The following ASCC3 variants were observed in gnomAD, a reference collection of about 807,000 sequenced individuals.
ASCC3 encodes activating signal cointegrator 1 complex subunit 3.
Under a neutral mutation model 256.3 loss-of-function variants are expected in ASCC3, and 158 were observed. That is an observed-to-expected ratio of 0.62 (90% confidence interval 0.54 to 0.70). The LOEUF is 0.70. Ranked by LOEUF, ASCC3 falls within the 30% of genes least tolerant of loss-of-function variation. ASCC3 has a pLI of 0.00. For missense variants in ASCC3, 2,259 were observed against 2,626.0 expected (o/e 0.86, Z 3.05); for synonymous variants, 948 against 883.4 (o/e 1.07, Z -1.30).
At chr6:100,802,474 T>G (rs1582885643) in intron 5 of ASCC3, among the ~76,000 whole-genome samples, 2 of 152,132 alleles carry the variant, frequency 1.3e-5, no homozygotes, top group Admixed American at 1.3e-4. Flanking sequence ...CCTGCAGAAC[T>G]GTGAGCCAAT....
At chr6:100,772,417 G>A (rs906466911) in intron 8 of ASCC3, among the ~76,000 whole-genome samples, 12 of 152,080 alleles carry the variant, frequency 7.9e-5, no homozygotes, top group African/African-American at 2.7e-4. Context: ...AATGTCCATC[G>A]ACAGATAAAT....
chr6:100,730,298 GAAAACAAAAC>G (rs58157005), intron 10 of ASCC3, among the ~76,000 whole-genome samples: 10 of 148,558 alleles, frequency 6.7e-5, no homozygotes, highest in South Asian at 2.2e-4. Flanking sequence ...CTCCATCTCT[GAAAACAAAAC>G]AAAACAAAAC....
In ASCC3 at chr6:100,556,330, T is replaced by C. The variant is rs963893637; in HGVS notation, c.5551-15943A>G. Among the ~76,000 whole-genome samples, 13 of 152,080 alleles carry C rather than the reference T, an allele frequency of 8.5e-5. No homozygotes were observed. The South Asian group carries it at 1.7e-3, about 19-fold the overall frequency. Reference sequence around the variant, plus strand: ...AGAAATACCATAATACAGGCACAATTGCCAAATAAATGAAATGAACGCTGG... The same window carrying C: ...AGAAATACCATAATACAGGCACAATCGCCAAATAAATGAAATGAACGCTGG... On this transcript the variant is annotated intron_variant, in intron 36 of 41. Coordinates refer to ENST00000369162, the MANE Select transcript of ASCC3 (RefSeq NM_006828.4).
chr6:100,644,008 T>C (rs1775259066), intron 23 of ASCC3, 23 bp downstream of exon 23: 2 of 1,499,682 alleles, frequency 1.3e-6, no homozygotes, highest in Non-Finnish European at 1.9e-6. Context: ...CAAATAAGGA[T>C]ATATTCACAT....
At chr6:100,720,602 T>A (rs553026629) in intron 11 of ASCC3, among the ~76,000 whole-genome samples, 1 of 151,776 alleles carries the variant, frequency 6.6e-6, no homozygotes, top group Non-Finnish European at 1.5e-5. Flanking sequence ...GGCTGGAACC[T>A]CTGGTAGCTG....
Position 100,819,206 on chromosome 6 carries a change from C to T in ASCC3, c.802-13326G>A, listed in dbSNP as rs1770919304. ...GGGAGGGACAGCATTAGGAGAAGTA[C>T]CTAAGGTAAATGAAGAGTTGATGGG... On this transcript the variant is annotated intron_variant, in intron 4 of 41. Transcript: ENST00000369162. Among the ~76,000 whole-genome samples, 2 of 151,952 alleles carry T rather than the reference C, an allele frequency of 1.3e-5. 1 individual carries two copies. Among genetic ancestry groups the T allele is most frequent in the Admixed American group, 1.3e-4 (2 of 15,246 alleles).
chr6:100,848,329 G>A lies in ASCC3; in HGVS notation c.620C>T (p.Ala207Val). 1 of 1,614,048 alleles carries A rather than the reference G, an allele frequency of 6.2e-7. No homozygotes were observed. The highest frequency in any genetic ancestry group is 2.2e-5 in the East Asian group (1 of 44,854). ...KKFLNEHLQEACTPELKPVEK... is the reference protein window; with the variant it reads ...KKFLNEHLQEVCTPELKPVEK... ...CACAGGCTTGAGTTCTGGGGTGCAAGCCTCCTGGAGATGTTCATTCAGAAA... is the reference window on the plus strand; with the variant it reads ...CACAGGCTTGAGTTCTGGGGTGCAAACCTCCTGGAGATGTTCATTCAGAAA... The change falls in exon 4 of 42, where the codon GCT becomes GTT. Residue 207 changes from alanine to valine, a missense_variant. By Grantham distance (64) the Ala-to-Val change is moderately conservative (BLOSUM62 0). Coordinates refer to ENST00000369162, the MANE Select transcript of ASCC3 (RefSeq NM_006828.4).
chr6:100,578,156 T>C (rs1243128095), intron 36 of ASCC3, among the ~76,000 whole-genome samples: 1 of 151,876 alleles, frequency 6.6e-6, no homozygotes, highest in East Asian at 1.9e-4. Context: ...ATTCCACATA[T>C]AAAGAAAAAG....
chr6:100,717,326 G>C (rs191156046), intron 12 of ASCC3, among the ~76,000 whole-genome samples: 22 of 152,074 alleles, frequency 1.4e-4, no homozygotes, highest in African/African-American at 5.3e-4. Flanking sequence ...GGTTGACATA[G>C]TAACATGATT....
At chr6:100,637,574 T>C (rs916677725) in intron 25 of ASCC3, among the ~76,000 whole-genome samples, 4 of 152,150 alleles carry the variant, frequency 2.6e-5, no homozygotes, top group Non-Finnish European at 4.4e-5. Flanking sequence ...ATTCCTCTGA[T>C]GGACCTGGGC....
Position 100,566,584 on chromosome 6 carries a change from C to G in ASCC3, c.5550+23050G>C, listed in dbSNP as rs1382292604. ...CAGCAACCTCCTTATATCTGTACTTCAACACTGTATCTTCTATTACAATGG... is the reference window on the plus strand; with the variant it reads ...CAGCAACCTCCTTATATCTGTACTTGAACACTGTATCTTCTATTACAATGG... On this transcript the variant is annotated intron_variant, in intron 36 of 41. Transcript: ENST00000369162. Among the ~76,000 whole-genome samples, 3 of 152,280 alleles carry G rather than the reference C, an allele frequency of 2.0e-5. No homozygotes were observed. In the South Asian group the frequency reaches 6.2e-4, roughly 32 times the overall value.
At chr6:100,612,692 C>T (rs1295993795) in intron 30 of ASCC3, among the ~76,000 whole-genome samples, 1 of 151,970 alleles carries the variant, frequency 6.6e-6, no homozygotes, top group African/African-American at 2.4e-5. Flanking sequence ...AAACCCCATA[C>T]ACTGAAGGAA....
At position 100,738,185 on chromosome 6, in the gene ASCC3, AAT is replaced by A. The variant is rs1368090019; in HGVS notation, c.1738-12484_1738-12483del. ...CTGTAGGTTGTCCATTCACTCTGAA[AAT>A]AGTTTATTTTGCTGTGCAGAAGCTC... On this transcript the variant is annotated intron_variant, in intron 10 of 41. Coordinates refer to ENST00000369162, the MANE Select transcript of ASCC3 (RefSeq NM_006828.4). 2.6e-5 allele frequency among the ~76,000 whole-genome samples: 4 copies of A among 152,090 alleles called. No homozygotes were observed. The East Asian group carries it at 7.7e-4, about 29-fold the overall frequency.
intron 40 of ASCC3, among the ~76,000 whole-genome samples, chr6:100,511,442 C>T (rs546382704): frequency 3.0e-4 from 45 of 151,644 alleles, no homozygotes; most frequent in Non-Finnish European, 5.3e-4. Context: ...AATGAAACCT[C>T]ATATTAAGGT....
chr6:100,635,582 T>C (rs1343150905), intron 25 of ASCC3, among the ~76,000 whole-genome samples: 2 of 152,148 alleles, frequency 1.3e-5, no homozygotes, highest in Non-Finnish European at 2.9e-5. Context: ...GAATAGATTT[T>C]ATGTGTTCTC....
At chr6:100,819,383 C>A (rs1375760817) in intron 4 of ASCC3, among the ~76,000 whole-genome samples, 2 of 152,078 alleles carry the variant, frequency 1.3e-5, no homozygotes, top group Non-Finnish European at 2.9e-5. Context: ...AGGAACAGGA[C>A]TAATAGGATA....
chr6:100,674,718 C>T (rs1776921580), intron 14 of ASCC3, among the ~76,000 whole-genome samples: 1 of 151,312 alleles, frequency 6.6e-6, no homozygotes, highest in Non-Finnish European at 1.5e-5. Flanking sequence ...CTGCAACCTC[C>T]GCCTCCCAAG....
chr6:100,817,514 TAACA>T (rs1248798151), intron 4 of ASCC3, among the ~76,000 whole-genome samples: 1 of 151,592 alleles, frequency 6.6e-6, no homozygotes, highest in African/African-American at 2.4e-5. Context: ...TTAACAAAAT[TAACA>T]AAACTTTAGC....
At chr6:100,639,735 G>A (rs1444526542) in intron 24 of ASCC3, among the ~76,000 whole-genome samples, 2 of 152,110 alleles carry the variant, frequency 1.3e-5, no homozygotes, top group East Asian at 1.9e-4. Flanking sequence ...TTTCCCCACT[G>A]CTCTATTCAG....
Sources: gnomAD v4.1 joint callset for allele counts (sites outside exome capture counted in the v4.1 genomes callset) on GRCh38, gnomAD v4.1.1 for gene constraint, MANE v1.5 for transcripts, NCBI Gene and HGNC (gene_info 2026-07-23, HGNC 2026-07-21) for gene names.